The following UBE2L3 variants were observed in gnomAD, a reference collection of about 807,000 sequenced individuals.
The protein encoded by UBE2L3 is ubiquitin-conjugating enzyme E2 L3.
Under a neutral mutation model 17.8 loss-of-function variants are expected in UBE2L3, and 1 was observed. The ratio of observed to expected loss-of-function variants is 0.06; its 90% confidence interval spans 0.02 to 0.27. The LOEUF is 0.27. UBE2L3 is among the 10% of genes least tolerant of loss of function. The probability of loss-of-function intolerance (pLI) is 1.00; values close to 1 mark genes in which losing one functional copy is unlikely to be tolerated. For missense variants in UBE2L3, 40 were observed against 192.6 expected, an observed-to-expected ratio of 0.21 and a Z score of 4.69; for synonymous variants, 44 against 68.5, an observed-to-expected ratio of 0.64 and a Z score of 1.76.
At chr22:21,558,358 C>T (rs1031553484) in intron 1 of UBE2L3, among the ~76,000 whole-genome samples, 50 of 152,358 alleles carry the variant, frequency 3.3e-4, no homozygotes, top group African/African-American at 9.4e-4. Context: ...TTTGGCCGGG[C>T]GCAGTGGCTT....
At position 21,612,750 on chromosome 22, in the gene UBE2L3, TCTC is replaced by T. The variant is rs1454752043; in HGVS notation, c.310+1710_310+1712del. On this transcript the variant is annotated intron_variant, in intron 3 of 3. Transcript: ENST00000342192. The stretch of plus-strand genomic sequence containing the variant: ...CCTCCGCCTCCCGGGTTCAAGCAAT[TCTC>T]CTGCCTCAGCCTCCTGAGTAGCTGG... Among the ~76,000 whole-genome samples, 8 of 143,498 alleles carry T rather than the reference TCTC, an allele frequency of 5.6e-5. No homozygotes were observed. The South Asian group carries it at 1.7e-3, about 30-fold the overall frequency. 94.1% of individuals were successfully genotyped at this position (143,498 alleles called of 152,430 possible). A position where few individuals can be genotyped will look rare whatever the true frequency, so the allele number is the denominator to read the frequency against.
chr22:21,602,937 C>T (rs770778743), intron 2 of UBE2L3, among the ~76,000 whole-genome samples: 4 of 152,138 alleles, frequency 2.6e-5, no homozygotes, highest in African/African-American at 4.8e-5. Context: ...GTCACTCAAT[C>T]GTACTTCACT....
At chr22:21,609,895 G>A (rs544532470) in intron 2 of UBE2L3, among the ~76,000 whole-genome samples, 175 of 152,182 alleles carry the variant, frequency 1.1e-3, no homozygotes, top group African/African-American at 3.5e-3. Flanking sequence ...GCATTGAGGC[G>A]GGTGCCTGTA....
chr22:21,606,005 C>T (rs1426680454), intron 2 of UBE2L3, among the ~76,000 whole-genome samples: 1 of 152,228 alleles, frequency 6.6e-6, no homozygotes, highest in Non-Finnish European at 1.5e-5. Flanking sequence ...ATGTGTCAGG[C>T]ATGTAGGACT....
At chr22:21,592,252 T>G (rs541310551) in intron 1 of UBE2L3, among the ~76,000 whole-genome samples, 2 of 152,220 alleles carry the variant, frequency 1.3e-5, no homozygotes, top group Non-Finnish European at 2.9e-5. Flanking sequence ...CAGTGAAGGT[T>G]TCCCGTCCCC....
chr22:21,615,546 C>T (rs1410131463), intron 3 of UBE2L3, among the ~76,000 whole-genome samples: 1 of 149,538 alleles, frequency 6.7e-6, no homozygotes, highest in Non-Finnish European at 1.5e-5. Context: ...CAGAGCAAGA[C>T]TCCGTCTCAA....
At chr22:21,581,810 A>AG (rs1469876875) in intron 1 of UBE2L3, among the ~76,000 whole-genome samples, 34 of 150,542 alleles carry the variant, frequency 2.3e-4, no homozygotes, top group African/African-American at 8.2e-4. Context: ...CAAAAAAAAA[A>AG]GAAAAAAAAA....
chr22:21,579,623 T>C (rs1414571029), intron 1 of UBE2L3, among the ~76,000 whole-genome samples: 4 of 151,982 alleles, frequency 2.6e-5, no homozygotes, highest in African/African-American at 9.7e-5. Flanking sequence ...ATAAAATGAT[T>C]AACTGGGCAT....
At chr22:21,611,100 G>A in intron 3 of UBE2L3, 57 bp downstream of exon 3, 1 of 1,497,286 alleles carries the variant, frequency 6.7e-7, no homozygotes, top group Non-Finnish European at 8.9e-7. Flanking sequence ...CTGCTCTGGG[G>A]TGGGGGCTTC....
At chr22:21,587,082 C>A (rs1200935644) in intron 1 of UBE2L3, among the ~76,000 whole-genome samples, 1 of 149,296 alleles carries the variant, frequency 6.7e-6, no homozygotes, top group African/African-American at 2.5e-5. Context: ...GATGGGGTTT[C>A]ACCATGTCAG....
At position 21,567,740 on chromosome 22, in the gene UBE2L3, C is replaced by G. The variant is rs1302192709; in HGVS notation, c.-5C>G. On this transcript the variant is annotated 5_prime_UTR_variant, in exon 1 of 4. In the 5' UTR this introduces an upstream ATG that the reference lacks. Coordinates refer to ENST00000342192, the MANE Select transcript of UBE2L3 (RefSeq NM_003347.4). The stretch of plus-strand genomic sequence containing the variant: ...TTCTGGGGAAGGAGCAGCACCAAAT[C>G]CAAGATGGCGGCCAGCAGGAGGCTG... 2 of 1,582,016 alleles carry G rather than the reference C, an allele frequency of 1.3e-6. No individual in the cohort carries two copies. Among genetic ancestry groups the G allele is most frequent in the Middle Eastern group, 1.7e-4 (1 of 5,918 alleles).
intron 1 of UBE2L3, among the ~76,000 whole-genome samples, chr22:21,582,154 A>C (rs368661235): frequency 1.2e-3 from 187 of 151,066 alleles, no homozygotes; most frequent in African/African-American, 3.8e-3. Flanking sequence ...AAAAAAAAAA[A>C]CAGTTCAGAA....
At chr22:21,594,996 T>C (rs1928440979) in intron 2 of UBE2L3, among the ~76,000 whole-genome samples, 2 of 152,214 alleles carry the variant, frequency 1.3e-5, no homozygotes, top group African/African-American at 4.8e-5. Context: ...CACGGGTAGA[T>C]TGCTGCTGGG....
upstream of UBE2L3, among the ~76,000 whole-genome samples, chr22:21,565,105 A>T (rs181329556): frequency 7.1e-4 from 107 of 151,700 alleles, 2 homozygotes; most frequent in East Asian, 0.013. Flanking sequence ...ATATATATAT[A>T]TTTTTGAGAC....
At chr22:21,612,643 CTTTTTTTTTTTTTTTTTT>C (rs57678378) in intron 3 of UBE2L3, among the ~76,000 whole-genome samples, 12 of 52,476 alleles carry the variant, frequency 2.3e-4, no homozygotes, top group African/African-American at 6.4e-4. Context: ...CTTTTCTTTT[CTTTTTTTTTTTTTTTTTT>C]TTTTTTTTTT....
upstream of UBE2L3, among the ~76,000 whole-genome samples, chr22:21,566,582 T>C (rs925864836): frequency 7.2e-6 from 1 of 138,956 alleles, no homozygotes; most frequent in Non-Finnish European, 1.6e-5. Context: ...CAAGACTCTG[T>C]CTCAAAAAAA....
chr22:21,615,404 A>AAG (rs1929714977), intron 3 of UBE2L3, among the ~76,000 whole-genome samples: 6 of 151,614 alleles, frequency 4.0e-5, no homozygotes, highest in Admixed American at 6.6e-5. Context: ...AAATAAAAAA[A>AAG]ATTAGCCGAG....
chr22:21,591,160 C>T (rs1372014522), intron 1 of UBE2L3, among the ~76,000 whole-genome samples: 1 of 152,146 alleles, frequency 6.6e-6, no homozygotes, highest in Non-Finnish European at 1.5e-5. Context: ...AGAGGGGCCT[C>T]ATGCAGGTGG....
intron 1 of UBE2L3, among the ~76,000 whole-genome samples, 188 bp from the exon 2 acceptor site, chr22:21,592,673 A>G (rs1012928132): frequency 3.3e-5 from 5 of 152,118 alleles, no homozygotes; most frequent in African/African-American, 9.7e-5. Context: ...AGAGGCAACA[A>G]CCTTGCAGAG....
Sources: gnomAD v4.1 joint callset for allele counts (sites outside exome capture counted in the v4.1 genomes callset) on GRCh38, gnomAD v4.1.1 for gene constraint, MANE v1.5 for transcripts, NCBI Gene and HGNC (gene_info 2026-07-23, HGNC 2026-07-21) for gene names.